RBFOX1: variants seen among roughly 807,000 people sequenced by gnomAD.
The protein encoded by RBFOX1 is RNA binding fox-1 homolog 1, also known as RNA binding protein fox-1 homolog 1.
In RBFOX1, 8 loss-of-function variants were observed where a neutral mutation model predicts 57.7. The observed-to-expected ratio is 0.14, with a 90% CI of 0.08 to 0.25. The LOEUF (loss-of-function observed/expected upper bound fraction) is 0.25. Among genes scored for constraint, RBFOX1 ranks in the 10% least tolerant of loss-of-function variants. RBFOX1 has a pLI of 1.00. For synonymous variants in RBFOX1, 326 were observed against 222.4 expected (o/e 1.47, Z -4.15); for missense variants, 611 against 548.5 (o/e 1.11, Z -1.14).
At chr16:7,582,166 T>A (rs2093822689) in intron 6 of RBFOX1, among the ~76,000 whole-genome samples, 1 of 152,086 alleles carries the variant, frequency 6.6e-6, no homozygotes, top group African/African-American at 2.4e-5. Context: ...TAGCTGGGAC[T>A]ACATGCATTC....
intron 3 of RBFOX1, among the ~76,000 whole-genome samples, chr16:6,815,779 T>A (rs907179940): frequency 6.6e-6 from 1 of 152,226 alleles, no homozygotes; most frequent in Non-Finnish European, 1.5e-5. Context: ...CCTCATTCTC[T>A]AATTCCAACT....
chr16:6,532,725 C>A (rs1014928875), intron 2 of RBFOX1, among the ~76,000 whole-genome samples: 1 of 152,100 alleles, frequency 6.6e-6, no homozygotes, highest in African/African-American at 2.4e-5. Context: ...GGACTCCATT[C>A]CCATTTGTCT....
At chr16:6,363,685 A>C (rs113720676) in intron 2 of RBFOX1, among the ~76,000 whole-genome samples, 16 of 152,162 alleles carry the variant, frequency 1.1e-4, no homozygotes, top group Non-Finnish European at 2.1e-4. Context: ...ATAGAAAAAC[A>C]CTCCGGGGCT....
At chr16:5,870,735 C>T (rs573478150) in intron 4 of RBFOX1, among the ~76,000 whole-genome samples, 120 of 151,718 alleles carry the variant, frequency 7.9e-4, no homozygotes, top group African/African-American at 2.8e-3. Flanking sequence ...TTTCTAATGG[C>T]AATTCATCAA....
At chr16:6,751,775 T>A (rs1365918070) in intron 3 of RBFOX1, among the ~76,000 whole-genome samples, 1 of 152,156 alleles carries the variant, frequency 6.6e-6, no homozygotes, top group Non-Finnish European at 1.5e-5. Flanking sequence ...TGTGGTCTTA[T>A]GAAGAATGTG....
At chr16:6,816,311 T>C (rs2090054809) in intron 3 of RBFOX1, among the ~76,000 whole-genome samples, 1 of 152,138 alleles carries the variant, frequency 6.6e-6, no homozygotes, top group Non-Finnish European at 1.5e-5. Flanking sequence ...CTTGTTGCAA[T>C]CAATCATTCA....
At chr16:7,473,264 G>A (rs890874697) in intron 4 of RBFOX1, among the ~76,000 whole-genome samples, 1 of 151,900 alleles carries the variant, frequency 6.6e-6, no homozygotes, top group Admixed American at 6.6e-5. Context: ...TGTAATCCCA[G>A]CTACTCAGGA....
upstream of RBFOX1, among the ~76,000 whole-genome samples, chr16:6,018,015 G>T (rs1380464104): frequency 2.0e-5 from 3 of 152,172 alleles, no homozygotes; most frequent in Non-Finnish European, 2.9e-5. Flanking sequence ...AGGCAGGGTG[G>T]TGCCACATAA....
At chr16:7,435,590 T>G (rs2098715218) in intron 4 of RBFOX1, among the ~76,000 whole-genome samples, 1 of 152,158 alleles carries the variant, frequency 6.6e-6, no homozygotes, top group Admixed American at 6.5e-5. Context: ...CAGCAGGACC[T>G]GGGTAAAGGA....
At chr16:5,978,339 A>G (rs1415743017) in intron 4 of RBFOX1, among the ~76,000 whole-genome samples, 3 of 151,714 alleles carry the variant, frequency 2.0e-5, no homozygotes, top group Non-Finnish European at 1.5e-5. Context: ...AAAATAAAAA[A>G]TAAAAAAAAT....
intron 4 of RBFOX1, among the ~76,000 whole-genome samples, chr16:7,139,896 A>G (rs982207969): frequency 6.6e-6 from 1 of 152,114 alleles, no homozygotes; most frequent in Non-Finnish European, 1.5e-5. Flanking sequence ...AGCTTGTAAA[A>G]TGTTGGCTGT....
At chr16:5,393,914 C>T (rs1426508652) in intron 1 of RBFOX1, among the ~76,000 whole-genome samples, 1 of 152,216 alleles carries the variant, frequency 6.6e-6, no homozygotes, top group Non-Finnish European at 1.5e-5. Context: ...TTTCTTCTGC[C>T]TTCTGTCTCT....
chr16:5,291,601 C>T (rs2063537305), intron 1 of RBFOX1, among the ~76,000 whole-genome samples: 1 of 152,144 alleles, frequency 6.6e-6, no homozygotes, highest in South Asian at 2.1e-4. Context: ...CAGTGGGAGT[C>T]ATTGAAAGTG....
intron 1 of RBFOX1, among the ~76,000 whole-genome samples, chr16:6,194,392 C>T (rs2097166589): frequency 1.3e-5 from 2 of 152,122 alleles, no homozygotes; most frequent in African/African-American, 4.8e-5. Flanking sequence ...TGCCTTTCCC[C>T]TGTTTAAGTG....
chr16:5,259,825 C>T (rs2062688287), intron 1 of RBFOX1, among the ~76,000 whole-genome samples: 1 of 152,148 alleles, frequency 6.6e-6, no homozygotes, highest in Non-Finnish European at 1.5e-5. Flanking sequence ...GTTGATTGAA[C>T]TCAAGTTTTC....
intron 3 of RBFOX1, among the ~76,000 whole-genome samples, chr16:6,895,432 GTGTGTGTGTGTGTGTGTATATATA>G (rs1361916454): frequency 1.5e-5 from 1 of 68,268 alleles, no homozygotes; most frequent in Admixed American, 1.8e-4. Context: ...GTGTGTGTGT[GTGTGTGTGTGTGTGTGTATATATA>G]TATATATATA....
intron 3 of RBFOX1, among the ~76,000 whole-genome samples, chr16:6,989,379 A>G (rs956519207): frequency 6.6e-6 from 1 of 152,172 alleles, no homozygotes; most frequent in South Asian, 2.1e-4. Flanking sequence ...ATTAAACAGC[A>G]TTATATAGTG....
At chr16:6,381,444 G>A (rs1003347436) in intron 2 of RBFOX1, among the ~76,000 whole-genome samples, 1 of 152,148 alleles carries the variant, frequency 6.6e-6, no homozygotes, top group Non-Finnish European at 1.5e-5. Flanking sequence ...AAATGCAACG[G>A]GCTTGATGAC....
intron 3 of RBFOX1, among the ~76,000 whole-genome samples, chr16:5,657,191 T>C (rs1167470433): frequency 6.6e-6 from 1 of 152,224 alleles, no homozygotes; most frequent in Non-Finnish European, 1.5e-5. Context: ...GGGAATGATC[T>C]GGTTGATTGG....
Sources: gnomAD v4.1 joint callset for allele counts (sites outside exome capture counted in the v4.1 genomes callset) on GRCh38, gnomAD v4.1.1 for gene constraint, MANE v1.5 for transcripts, NCBI Gene and HGNC (gene_info 2026-07-23, HGNC 2026-07-21) for gene names.